Variants in COG5 observed in about 807,000 individuals in gnomAD.
COG5 encodes component of oligomeric golgi complex 5, also known as conserved oligomeric Golgi complex subunit 5.
Under a neutral mutation model 110.4 loss-of-function variants are expected in COG5, and 86 were observed. The ratio of observed to expected loss-of-function variants is 0.78; its 90% CI spans 0.65 to 0.93. The LOEUF (loss-of-function observed/expected upper bound fraction) is 0.93, where lower values mean the gene tolerates loss of function less well. COG5 is among the 40% of genes least tolerant of loss of function. COG5 has a pLI of 0.00. For synonymous variants in COG5, 360 were observed against 334.6 expected, an observed-to-expected ratio of 1.08 and a Z score of -0.83; for missense variants, 1,077 against 987.0, an observed-to-expected ratio of 1.09 and a Z score of -1.22.
intron 6 of COG5, among the ~76,000 whole-genome samples, chr7:107,459,346 T>C (rs866950076): frequency 6.6e-6 from 1 of 151,988 alleles, no homozygotes; most frequent in African/African-American, 2.4e-5. Flanking sequence ...AAGACATGTA[T>C]TTCATAGCAA....
Position 107,210,591 on chromosome 7 carries a change from G to T in COG5, c.2310C>A (p.Ser770=). Residue 770 remains serine (S), a synonymous_variant, in exon 21 of 22, where the codon TCC becomes TCA. Coordinates refer to ENST00000297135, the MANE Select transcript of COG5 (RefSeq NM_006348.5). Reference sequence around the variant, plus strand: ...CCAGCCACTGAGAGAAGCGTGTGTGGGACCACTCTGCCCTCTGCAGGGTTG... The same window carrying T: ...CCAGCCACTGAGAGAAGCGTGTGTGTGACCACTCTGCCCTCTGCAGGGTTG... ...LKSPFQRAEW[S]HTRFSQWLDD... 1.2e-6 allele frequency: 2 copies of T among 1,602,426 alleles called. No homozygotes were observed. The highest frequency in any genetic ancestry group is 1.7e-6 in the Non-Finnish European group (2 of 1,174,308).
chr7:107,550,303 C>T (rs1262566793), intron 3 of COG5, among the ~76,000 whole-genome samples: 1 of 151,164 alleles, frequency 6.6e-6, no homozygotes, highest in Non-Finnish European at 1.5e-5. Context: ...CTAATAGCTT[C>T]CAAACCAGTG....
chr7:107,323,550 A>G (rs1470283887), intron 11 of COG5, among the ~76,000 whole-genome samples: 1 of 152,202 alleles, frequency 6.6e-6, no homozygotes, highest in Non-Finnish European at 1.5e-5. Context: ...AAAACAAAAG[A>G]AAACGAAACA....
At chr7:107,452,023 A>G (rs1795371075) in intron 6 of COG5, among the ~76,000 whole-genome samples, 1 of 152,160 alleles carries the variant, frequency 6.6e-6, no homozygotes, top group Admixed American at 6.5e-5. Context: ...CGAATGGTTC[A>G]GTGAGTAGAC....
intron 10 of COG5, among the ~76,000 whole-genome samples, chr7:107,359,243 T>A (rs1812888110): frequency 6.6e-6 from 1 of 152,190 alleles, no homozygotes; most frequent in Non-Finnish European, 1.5e-5. Flanking sequence ...AGCACCTACT[T>A]TGATTTCACA....
intron 6 of COG5, among the ~76,000 whole-genome samples, chr7:107,524,495 A>C (rs1800585822): frequency 6.6e-6 from 1 of 152,246 alleles, no homozygotes; most frequent in African/African-American, 2.4e-5. Context: ...TGATAAAGAC[A>C]CTGACAATTT....
chr7:107,249,100 C>T (rs1318529176), intron 16 of COG5, among the ~76,000 whole-genome samples: 3 of 152,258 alleles, frequency 2.0e-5, no homozygotes, highest in East Asian at 3.9e-4. Context: ...CCACCTTCTA[C>T]CCGCAAGTAG....
At chr7:107,556,825 C>T (rs1395946377) in intron 2 of COG5, among the ~76,000 whole-genome samples, 2 of 151,310 alleles carry the variant, frequency 1.3e-5, no homozygotes, top group Non-Finnish European at 2.9e-5. Flanking sequence ...GGCTTGAGTG[C>T]AATGGCACGA....
chr7:107,434,922 A>G (rs1256539381), intron 6 of COG5, among the ~76,000 whole-genome samples: 1 of 151,964 alleles, frequency 6.6e-6, no homozygotes, highest in Non-Finnish European at 1.5e-5. Flanking sequence ...GTGAGCTGAG[A>G]TCATGCCACT....
chr7:107,416,716 G>T (rs575635123), intron 6 of COG5, among the ~76,000 whole-genome samples: 12 of 152,242 alleles, frequency 7.9e-5, no homozygotes, highest in Admixed American at 2.0e-4. Context: ...GACGGACCAT[G>T]TCAAATAGAC....
At chr7:107,395,532 G>A (rs969358374) in intron 7 of COG5, among the ~76,000 whole-genome samples, 8 of 134,966 alleles carry the variant, frequency 5.9e-5, no homozygotes, top group Non-Finnish European at 1.1e-4. Flanking sequence ...TCTTTACCAT[G>A]AAGCAGATCT....
chr7:107,255,162 G>A (rs944235259), intron 16 of COG5, among the ~76,000 whole-genome samples: 17 of 152,228 alleles, frequency 1.1e-4, no homozygotes, highest in African/African-American at 3.9e-4. Context: ...TGGAATTATA[G>A]AAGAGTATCC....
chr7:107,535,789 A>C (rs1048017833), intron 5 of COG5, among the ~76,000 whole-genome samples: 11 of 152,028 alleles, frequency 7.2e-5, no homozygotes, highest in Admixed American at 7.2e-4. Context: ...AAAAAGAGAG[A>C]CTCCTCCCTA....
At chr7:107,351,016 A>C (rs1223071757) in intron 10 of COG5, among the ~76,000 whole-genome samples, 1 of 152,160 alleles carries the variant, frequency 6.6e-6, no homozygotes, top group Non-Finnish European at 1.5e-5. Flanking sequence ...ATCTTTTTCT[A>C]ATTTATGTAG....
At chr7:107,270,113 T>G (rs1488751331) in intron 14 of COG5, among the ~76,000 whole-genome samples, 1 of 152,226 alleles carries the variant, frequency 6.6e-6, no homozygotes, top group East Asian at 1.9e-4. Context: ...GTCCCATTCA[T>G]TGTGATCACT....
intron 6 of COG5, among the ~76,000 whole-genome samples, chr7:107,453,923 GAAT>G (rs1488580712): frequency 2.0e-5 from 3 of 151,864 alleles, no homozygotes; most frequent in Non-Finnish European, 4.4e-5. Flanking sequence ...CTTCAATTTT[GAAT>G]AATTCTGAGT....
chr7:107,260,891 T>C (rs1803280996), intron 14 of COG5, among the ~76,000 whole-genome samples: 1 of 152,052 alleles, frequency 6.6e-6, no homozygotes, highest in East Asian at 1.9e-4. Flanking sequence ...AGTCCAATAG[T>C]TAGCTAAGTG....
In COG5 at chr7:107,439,056, C is replaced by T. The variant is rs370792186; in HGVS notation, c.539-26424G>A. Among the ~76,000 whole-genome samples the T allele has an allele frequency of 3.5e-4, 53 of 152,220 alleles. 1 individual carries two copies. In the South Asian group the frequency reaches 0.01, roughly 30 times the overall value. ...TCACCACTTCCTGACCTCTTCTCTT[C>T]TAATGATCCTGTGTTCAACCCAATT... is the stretch of plus-strand genomic sequence containing the variant. On this transcript the variant is annotated intron_variant, in intron 6 of 21. Coordinates refer to ENST00000297135, the MANE Select transcript of COG5 (RefSeq NM_006348.5).
intron 6 of COG5, among the ~76,000 whole-genome samples, chr7:107,462,665 A>G (rs1796070434): frequency 6.6e-6 from 1 of 151,732 alleles, no homozygotes; most frequent in Non-Finnish European, 1.5e-5. Flanking sequence ...AATTCATCCT[A>G]CAAGTGGAAG....
Sources: gnomAD v4.1 joint callset for allele counts (sites outside exome capture counted in the v4.1 genomes callset) on GRCh38, gnomAD v4.1.1 for gene constraint, MANE v1.5 for transcripts, NCBI Gene and HGNC (gene_info 2026-07-23, HGNC 2026-07-21) for gene names.